Variants in GRIK4 observed in about 807,000 individuals in gnomAD.
GRIK4 encodes glutamate ionotropic receptor kainate type subunit 4.
A neutral mutation model predicts 104.9 loss-of-function variants in GRIK4; 40 were observed. The ratio of observed to expected loss-of-function variants is 0.38; its 90% CI spans 0.30 to 0.50. GRIK4 has a LOEUF of 0.50. Among genes scored for constraint, GRIK4 ranks in the 20% least tolerant of loss-of-function variants. GRIK4 has a pLI of 0.93. For synonymous variants in GRIK4, 485 were observed against 524.9 expected (o/e 0.92, Z 1.04); for missense variants, 1,047 against 1,308.1 (o/e 0.80, Z 3.08).
Position 120,623,968 on chromosome 11 carries a change from TTCCCTCTTCCTCCTCCCTC to T in GRIK4, c.-158-29699_-158-29681del, listed in dbSNP as rs371269764. Among the ~76,000 whole-genome samples the T allele has an allele frequency of 7.2e-5, 10 of 139,128 alleles. No homozygotes were observed. The South Asian group carries it at 7.8e-4, about 11-fold the overall frequency. 91.3% of individuals were successfully genotyped at this position (139,128 alleles called of 152,430 possible). On this transcript the variant is annotated intron_variant, in intron 1 of 20. Transcript: ENST00000527524. ...TCCCCCTTACTCTTCTTCCTCCCCC[TTCCCTCTTCCTCCTCCCTC>T]TCCCTCTTCCTCCTCCCCTTTCCGC... is the stretch of plus-strand genomic sequence containing the variant.
In GRIK4 at chr11:120,512,265, C is replaced by A. The variant is rs978162550; in HGVS notation, c.-159+378C>A. ...CCTCCCCGTGCAACTCCCAGCCCTG[C>A]CTCTGTCCCCTGCAGGGATGACAGC... On this transcript the variant is annotated intron_variant, in intron 1 of 20. Transcript: ENST00000527524. Among the ~76,000 whole-genome samples, 4 of 151,900 alleles carry A rather than the reference C, an allele frequency of 2.6e-5. No homozygotes were observed. In the East Asian group the frequency reaches 7.8e-4, roughly 30 times the overall value.
At chr11:120,587,133 A>G (rs1009841446) in intron 1 of GRIK4, among the ~76,000 whole-genome samples, 11 of 152,168 alleles carry the variant, frequency 7.2e-5, no homozygotes. Context: ...ATGCTTATTT[A>G]TTAGAGGCGG....
chr11:120,801,537 A>T (rs1217954017), intron 3 of GRIK4, among the ~76,000 whole-genome samples: 2 of 152,150 alleles, frequency 1.3e-5, no homozygotes, highest in African/African-American at 2.4e-5. Flanking sequence ...CACTTAGCAT[A>T]ATGTTTTTAG....
intron 11 of GRIK4, among the ~76,000 whole-genome samples, chr11:120,895,607 C>T (rs189235493): frequency 7.9e-5 from 12 of 152,272 alleles, no homozygotes; most frequent in African/African-American, 2.6e-4. Flanking sequence ...TATCCCCACC[C>T]CAAGAGACAG....
chr11:120,729,379 A>G (rs984832804), intron 3 of GRIK4, among the ~76,000 whole-genome samples: 8 of 152,200 alleles, frequency 5.3e-5, no homozygotes, highest in African/African-American at 1.9e-4. Flanking sequence ...TCCCACCAGC[A>G]GTGTGTGAGG....
At chr11:120,705,445 C>T (rs11217984) in intron 3 of GRIK4, among the ~76,000 whole-genome samples, 34,891 of 151,872 alleles carry the variant, frequency 0.23, 5,735 homozygotes, top group African/African-American at 0.47. Flanking sequence ...AGGCTGGTCT[C>T]GAACTCCTGA....
intron 3 of GRIK4, among the ~76,000 whole-genome samples, chr11:120,695,437 T>C (rs61902685): frequency 0.2 from 30,785 of 152,238 alleles, 3,909 homozygotes; most frequent in African/African-American, 0.35. Flanking sequence ...TGCAGGCCCC[T>C]GTGAGAAAGA....
At chr11:120,840,131 G>A (rs1953676198) in intron 8 of GRIK4, among the ~76,000 whole-genome samples, 2 of 152,186 alleles carry the variant, frequency 1.3e-5, no homozygotes, top group South Asian at 2.1e-4. Flanking sequence ...TGCAGGGGAA[G>A]CTGGGCTCAG....
At chr11:120,916,795 C>A (rs1288400618) in intron 13 of GRIK4, among the ~76,000 whole-genome samples, 1 of 152,154 alleles carries the variant, frequency 6.6e-6, no homozygotes, top group Non-Finnish European at 1.5e-5. Flanking sequence ...GAGTCTCATT[C>A]CCAAGATACC....
At chr11:120,853,320 T>C (rs568004361) in intron 8 of GRIK4, among the ~76,000 whole-genome samples, 2 of 152,208 alleles carry the variant, frequency 1.3e-5, no homozygotes, top group East Asian at 3.9e-4. Flanking sequence ...GAGGGGGAAG[T>C]TCATGATCAA....
chr11:120,775,055 C>G (rs2135462542), intron 3 of GRIK4, among the ~76,000 whole-genome samples: 1 of 152,314 alleles, frequency 6.6e-6, no homozygotes, highest in Non-Finnish European at 1.5e-5. Flanking sequence ...CTCCTCTGCC[C>G]TTGGCATCCC....
chr11:120,932,091 C>T (rs1943493579), intron 13 of GRIK4, among the ~76,000 whole-genome samples: 1 of 152,198 alleles, frequency 6.6e-6, no homozygotes, highest in Admixed American at 6.5e-5. Flanking sequence ...TGCCCAAGCC[C>T]TGTTCCACCT....
intron 3 of GRIK4, among the ~76,000 whole-genome samples, chr11:120,786,401 C>A (rs1007990909): frequency 6.6e-6 from 1 of 152,250 alleles, no homozygotes; most frequent in African/African-American, 2.4e-5. Context: ...TGCAGCCTTT[C>A]CTTTCTGCTG....
At chr11:120,512,523 A>G (rs973062049) in intron 1 of GRIK4, among the ~76,000 whole-genome samples, 1 of 151,786 alleles carries the variant, frequency 6.6e-6, no homozygotes, top group African/African-American at 2.4e-5. Context: ...CCAGCGTCCT[A>G]TCAGAAATGA....
At chr11:120,744,725 G>A (rs991202485) in intron 3 of GRIK4, among the ~76,000 whole-genome samples, 1 of 152,124 alleles carries the variant, frequency 6.6e-6, no homozygotes, top group Non-Finnish European at 1.5e-5. Flanking sequence ...AGTTAGTGCT[G>A]GAAAAAGCAA....
intron 3 of GRIK4, among the ~76,000 whole-genome samples, chr11:120,742,950 T>C (rs1486115015): frequency 6.6e-6 from 1 of 152,164 alleles, no homozygotes; most frequent in Non-Finnish European, 1.5e-5. Flanking sequence ...AGAATGAGAT[T>C]GGCTGGGCAT....
At chr11:120,581,125 T>G (rs1160170176) in intron 1 of GRIK4, among the ~76,000 whole-genome samples, 1 of 152,232 alleles carries the variant, frequency 6.6e-6, no homozygotes, top group East Asian at 1.9e-4. Flanking sequence ...TATTATTGCA[T>G]TTTGAGAGTT....
At chr11:120,963,455 G>C (rs1484056660) in intron 18 of GRIK4, among the ~76,000 whole-genome samples, 3 of 152,228 alleles carry the variant, frequency 2.0e-5, no homozygotes, top group Non-Finnish European at 4.4e-5. Context: ...AAGGGGATCT[G>C]AATGTTCCTC....
chr11:120,879,992 G>T (rs1193074179), intron 11 of GRIK4, among the ~76,000 whole-genome samples: 2 of 152,244 alleles, frequency 1.3e-5, no homozygotes, highest in Non-Finnish European at 1.5e-5. Context: ...AACTTTGTTA[G>T]TGCTGTAATA....
Sources: gnomAD v4.1 joint callset for allele counts (sites outside exome capture counted in the v4.1 genomes callset) on GRCh38, gnomAD v4.1.1 for gene constraint, MANE v1.5 for transcripts, NCBI Gene and HGNC (gene_info 2026-07-23, HGNC 2026-07-21) for gene names.